The following NRG1 variants were observed in gnomAD, a reference collection of about 807,000 sequenced individuals.
The protein encoded by NRG1 is pro-neuregulin-1, membrane-bound isoform.
In NRG1, 18 loss-of-function variants were observed where a neutral mutation model predicts 63.8. The observed-to-expected ratio is 0.28, with a 90% CI of 0.19 to 0.42. NRG1 has a LOEUF of 0.42. NRG1 is among the 10% of genes least tolerant of loss of function. The pLI, the probability that NRG1 is intolerant of heterozygous loss-of-function variation, is 1.00. For missense variants in NRG1, 762 were observed against 814.7 expected (o/e 0.94, Z 0.79); for synonymous variants, 302 against 301.3 (o/e 1.00, Z -0.02).
At chr8:32,484,550 C>G (rs1825693637) in intron 1 of NRG1, among the ~76,000 whole-genome samples, 1 of 151,262 alleles carries the variant, frequency 6.6e-6, no homozygotes, top group Non-Finnish European at 1.5e-5. Flanking sequence ...ACGATGCTGT[C>G]CAGCAGGCAT....
At chr8:32,169,149 A>G (rs1057015915) in intron 1 of NRG1, among the ~76,000 whole-genome samples, 2 of 152,180 alleles carry the variant, frequency 1.3e-5, no homozygotes, top group African/African-American at 4.8e-5. Context: ...TCACACACCC[A>G]TCTAGAAAAG....
intron 1 of NRG1, among the ~76,000 whole-genome samples, chr8:32,188,732 A>G (rs1426922571): frequency 6.6e-6 from 1 of 151,952 alleles, no homozygotes; most frequent in East Asian, 1.9e-4. Flanking sequence ...GGCTATGCAT[A>G]TTCTCACTCA....
intron 1 of NRG1, among the ~76,000 whole-genome samples, chr8:31,679,432 C>T (rs951046836): frequency 6.6e-6 from 1 of 152,066 alleles, no homozygotes; most frequent in Admixed American, 6.6e-5. Context: ...TCTCTGCTGT[C>T]TAGAACAGTG....
At chr8:32,691,063 G>C (rs974889079) in intron 5 of NRG1, among the ~76,000 whole-genome samples, 3 of 151,666 alleles carry the variant, frequency 2.0e-5, no homozygotes, top group Non-Finnish European at 4.4e-5. Context: ...TGAGATGCAG[G>C]CTGGGTGCTG....
intron 5 of NRG1, among the ~76,000 whole-genome samples, chr8:32,710,681 C>G (rs1025849646): frequency 2.0e-5 from 3 of 152,024 alleles, no homozygotes; most frequent in Non-Finnish European, 4.4e-5. Context: ...TAAATAGAAT[C>G]CCTTATAACA....
At chr8:32,322,639 G>A (rs1801546992) in intron 1 of NRG1, among the ~76,000 whole-genome samples, 2 of 152,018 alleles carry the variant, frequency 1.3e-5, no homozygotes, top group African/African-American at 4.8e-5. Context: ...GTCACTGCTG[G>A]CCTGTCCTGC....
chr8:32,645,121 G>A (rs756768269), intron 5 of NRG1, among the ~76,000 whole-genome samples: 4 of 152,140 alleles, frequency 2.6e-5, no homozygotes, highest in African/African-American at 4.8e-5. Flanking sequence ...ATAAACACCT[G>A]CTGATATTGT....
intron 1 of NRG1, among the ~76,000 whole-genome samples, chr8:32,369,123 T>A (rs1446140158): frequency 6.6e-6 from 1 of 152,248 alleles, no homozygotes; most frequent in Admixed American, 6.5e-5. Flanking sequence ...TCTTCATTGA[T>A]GTCAAGAGTT....
intron 1 of NRG1, among the ~76,000 whole-genome samples, chr8:31,972,537 G>A (rs1478089061): frequency 6.6e-6 from 1 of 152,042 alleles, no homozygotes; most frequent in Non-Finnish European, 1.5e-5. Context: ...CTAACTTTGA[G>A]CCTTTTATTC....
intron 1 of NRG1, among the ~76,000 whole-genome samples, chr8:32,021,417 A>G (rs1253372099): frequency 6.6e-6 from 1 of 152,142 alleles, no homozygotes. Context: ...GAAACTACCC[A>G]TTTCCTCAAG....
At position 32,595,998 on chromosome 8, in the gene NRG1, A is replaced by T. The variant is rs775609145; in HGVS notation, c.271A>T (p.Lys91Ter). 6.2e-7 allele frequency: 1 copy of T among 1,612,928 alleles called. No homozygotes were observed. The highest frequency in any genetic ancestry group is 1.3e-5 in the African/African-American group (1 of 74,948). Residue 91 changes from lysine (K) to a stop codon, truncating the protein, a stop_gained, in exon 2 of 12, where the codon AAG becomes TAG. Transcript: ENST00000356819. LOFTEE classifies it high-confidence loss of function. ...ACCACAAAATATCAAGATACAAAAA[A>T]AGCCAGGGTAAGTATAATGCATAAA...
At chr8:32,636,654 A>G (rs1167010740) in intron 5 of NRG1, among the ~76,000 whole-genome samples, 1 of 152,176 alleles carries the variant, frequency 6.6e-6, no homozygotes, top group East Asian at 1.9e-4. Flanking sequence ...CTAATTCCCC[A>G]GGGATCGAAG....
At chr8:32,217,148 G>A (rs941092603) in intron 1 of NRG1, among the ~76,000 whole-genome samples, 8 of 149,790 alleles carry the variant, frequency 5.3e-5, no homozygotes, top group Admixed American at 3.4e-4. Flanking sequence ...GGGAGGCAGA[G>A]GTTGCAGTAA....
At chr8:32,418,405 A>G (rs1339592826) in intron 1 of NRG1, among the ~76,000 whole-genome samples, 2 of 151,680 alleles carry the variant, frequency 1.3e-5, no homozygotes, top group Admixed American at 1.3e-4. Flanking sequence ...TCTCTTTTAT[A>G]TACATAGAAC....
intron 1 of NRG1, among the ~76,000 whole-genome samples, chr8:31,877,250 A>G (rs1829999606): frequency 6.6e-6 from 1 of 152,288 alleles, no homozygotes; most frequent in East Asian, 1.9e-4. Flanking sequence ...CGAACTCCGA[A>G]GACACCAGCA....
chr8:31,797,834 G>A (rs1821378384), intron 1 of NRG1, among the ~76,000 whole-genome samples: 1 of 152,174 alleles, frequency 6.6e-6, no homozygotes, highest in African/African-American at 2.4e-5. Context: ...TATACAGAAT[G>A]GCTTACTATT....
chr8:31,897,786 G>T (rs112787312), intron 1 of NRG1, among the ~76,000 whole-genome samples: 2 of 151,844 alleles, frequency 1.3e-5, no homozygotes, highest in Middle Eastern at 3.4e-3. Flanking sequence ...AGGCTGAGGC[G>T]GGCAGATCAC....
At chr8:32,062,742 T>C (rs1299659081) in intron 1 of NRG1, among the ~76,000 whole-genome samples, 1 of 152,150 alleles carries the variant, frequency 6.6e-6, no homozygotes, top group African/African-American at 2.4e-5. Context: ...ACATGCTGGT[T>C]CTTCATTCTC....
intron 1 of NRG1, among the ~76,000 whole-genome samples, chr8:32,248,397 G>C (rs1043625247): frequency 6.6e-6 from 1 of 151,866 alleles, no homozygotes; most frequent in Non-Finnish European, 1.5e-5. Flanking sequence ...TATGCAAAGT[G>C]GCAAAAATGA....
Sources: gnomAD v4.1 joint callset for allele counts (sites outside exome capture counted in the v4.1 genomes callset) on GRCh38, gnomAD v4.1.1 for gene constraint, MANE v1.5 for transcripts, NCBI Gene and HGNC (gene_info 2026-07-23, HGNC 2026-07-21) for gene names.